Variants in CD4 observed in about 807,000 individuals in gnomAD.
CD4 encodes the protein CD4 molecule.
A neutral mutation model predicts 50.5 loss-of-function variants in CD4; 25 were observed. That is an observed-to-expected ratio of 0.49 (90% CI 0.36 to 0.69). CD4 has a LOEUF of 0.69. Among genes scored for constraint, CD4 ranks in the 30% least tolerant of loss-of-function variants. CD4 has a pLI of 0.00. For synonymous variants in CD4, 207 were observed against 221.9 expected (o/e 0.93, Z 0.60); for missense variants, 456 against 548.5 (o/e 0.83, Z 1.68).
At chr12:6,808,400 G>A (rs1311352354) in intron 3 of CD4, among the ~76,000 whole-genome samples, 15 of 120,554 alleles carry the variant, frequency 1.2e-4, no homozygotes, top group Non-Finnish European at 1.6e-5. Context: ...GCAGCGAGCC[G>A]AGATCACACT....
intron 3 of CD4, among the ~76,000 whole-genome samples, chr12:6,811,966 C>A (rs1591558593): frequency 1.3e-5 from 2 of 152,154 alleles, no homozygotes; most frequent in South Asian, 4.1e-4. Flanking sequence ...TGTGCCACCA[C>A]ACCCAGCTAA....
rs200466635 is a variant in CD4, at chr12:6,819,341, A to G, written c.*12A>G. 336 of 1,613,812 alleles carry G rather than the reference A, an allele frequency of 2.1e-4. No homozygotes were observed. The highest frequency in any genetic ancestry group is 2.8e-4 in the Non-Finnish European group (330 of 1,179,840). On this transcript the variant is annotated 3_prime_UTR_variant, in exon 10 of 10. Coordinates refer to ENST00000011653, the MANE Select transcript of CD4 (RefSeq NM_000616.5). ...GTAGCCCCATTTGAGGCACGAGGCCAGGCAGATCCCACTTGCAGCCTCCCC... is the reference window on the plus strand; with the variant it reads ...GTAGCCCCATTTGAGGCACGAGGCCGGGCAGATCCCACTTGCAGCCTCCCC...
intron 3 of CD4, among the ~76,000 whole-genome samples, chr12:6,811,379 A>C (rs1942929770): frequency 6.6e-6 from 1 of 152,184 alleles, no homozygotes; most frequent in African/African-American, 2.4e-5. Flanking sequence ...AGGCCAAAGG[A>C]GACACATACT....
chr12:6,803,832 T>A (rs1285827158), intron 3 of CD4, among the ~76,000 whole-genome samples: 1 of 137,400 alleles, frequency 7.3e-6, no homozygotes, highest in Non-Finnish European at 1.6e-5. Flanking sequence ...TAAATAAAGG[T>A]CAGGAGTGGT....
chr12:6,818,721 C>A lies in CD4; in HGVS notation c.1279-126C>A. On this transcript the variant is annotated intron_variant, in intron 8 of 9. Coordinates refer to ENST00000011653, the MANE Select transcript of CD4 (RefSeq NM_000616.5). The surrounding 1 kb of genome is among the most constrained non-coding windows in gnomAD (Gnocchi z 5.0). ...ACAGGAAGGAGCAGAGAGTTAATTC[C>A]AGGATAGATGGCCTGGGCCATGTAA... 1 of 1,190,382 alleles carries A rather than the reference C, an allele frequency of 8.4e-7. No individual in the cohort carries two copies. Among genetic ancestry groups the A allele is most frequent in the Non-Finnish European group, 1.2e-6 (1 of 804,000 alleles). The allele number at this position is 1,190,382 out of a possible 1,614,324, so 73.7% of individuals were successfully genotyped here.
At chr12:6,799,764 A>G in intron 1 of CD4, 1 of 201,122 alleles carries the variant, frequency 5.0e-6, no homozygotes, top group Non-Finnish European at 1.0e-5. Flanking sequence ...TACAGGCATG[A>G]GCCACCGCAC....
chr12:6,818,847 C>A lies in CD4; in HGVS notation c.1279C>A (p.Arg427Ser). 6.2e-7 allele frequency: 1 copy of A among 1,612,836 alleles called. No individual in the cohort carries two copies. The highest frequency in any genetic ancestry group is 8.5e-7 in the Non-Finnish European group (1 of 1,178,982). ...GACTCCCTTTCTTGTCCCTGGACAG[C>A]GCCAAGCAGAGCGGATGTCTCAGAT... Reference protein sequence around the residue: ...FFCVRCRHRRRQAERMSQIKR... With the variant: ...FFCVRCRHRRSQAERMSQIKR... Residue 427 changes from arginine (R) to serine (S), a missense_variant and splice_region_variant, in exon 9 of 10, where the codon CGC becomes AGC. Physicochemically the swap from Arg to Ser is moderately radical, Grantham distance 110. Transcript: ENST00000011653. The surrounding 1 kb of genome is among the most constrained non-coding windows in gnomAD (Gnocchi z 5.0).
At chr12:6,789,988 C>T (rs1433147511) in intron 1 of CD4, among the ~76,000 whole-genome samples, 3 of 151,328 alleles carry the variant, frequency 2.0e-5, no homozygotes, top group East Asian at 1.9e-4. Flanking sequence ...CTGGGAAAGG[C>T]GTGGAAGGCA....
chr12:6,814,324 G>A, intron 4 of CD4, 24 bp downstream of exon 4: 1 of 1,607,334 alleles, frequency 6.2e-7, no homozygotes, highest in East Asian at 2.2e-5. Flanking sequence ...GTGGGGATGA[G>A]GATACCTCCT....
intron 1 of CD4, among the ~76,000 whole-genome samples, chr12:6,795,296 G>T (rs1174641907): frequency 7.1e-6 from 1 of 140,580 alleles, no homozygotes; most frequent in Non-Finnish European, 1.6e-5. Context: ...CTATCTATCT[G>T]TCCATCCATC....
chr12:6,795,104 C>CTATGTATCTATG (rs1203008761), intron 1 of CD4, among the ~76,000 whole-genome samples: 1 of 150,472 alleles, frequency 6.6e-6, no homozygotes, highest in Admixed American at 6.6e-5. Context: ...CTGTCTCTAT[C>CTATGTATCTATG]TATCTATCTA....
At chr12:6,791,051 G>C (rs1429525176) in intron 1 of CD4, among the ~76,000 whole-genome samples, 1 of 152,218 alleles carries the variant, frequency 6.6e-6, no homozygotes, top group Non-Finnish European at 1.5e-5. Flanking sequence ...GACAGCGTTA[G>C]AGACACTCGG....
intron 1 of CD4, among the ~76,000 whole-genome samples, chr12:6,790,080 T>C (rs187505361): frequency 2.0e-4 from 30 of 151,478 alleles, no homozygotes; most frequent in South Asian, 1.0e-3. Flanking sequence ...GGGAAAAAAT[T>C]AGAAAGAATA....
In CD4 at chr12:6,818,888, T is replaced by C. The variant is rs782783240; in HGVS notation, c.1320T>C (p.Ser440=). The stretch of plus-strand genomic sequence containing the variant: ...TGTCTCAGATCAAGAGACTCCTCAG[T>C]GAGAAGAAGACCTGCCAGTGTCCTC... The part of the protein sequence containing the change: ...ERMSQIKRLL[S]EKKTCQCPHR... Residue 440 remains serine, a synonymous_variant, in exon 9 of 10, where the codon AGT becomes AGC. Coordinates refer to ENST00000011653, the MANE Select transcript of CD4 (RefSeq NM_000616.5). The surrounding 1 kb of genome is among the most constrained non-coding windows in gnomAD (Gnocchi z 5.0). The C allele has an allele frequency of 6.2e-7, 1 of 1,601,690 alleles. No individual in the cohort carries two copies. The highest frequency in any genetic ancestry group is 8.5e-7 in the Non-Finnish European group (1 of 1,176,462).
chr12:6,800,200 A>T lies in CD4; in HGVS notation c.49+13A>T. 1 of 1,572,526 alleles carries T rather than the reference A, an allele frequency of 6.4e-7. No homozygotes were observed. The highest frequency in any genetic ancestry group is 8.6e-7 in the Non-Finnish European group (1 of 1,157,394). On this transcript the variant is annotated intron_variant, in intron 2 of 9. Transcript: ENST00000011653. ...GTGCTGCAACTGGGTAAGTTCTCAG[A>T]CCTGGGGTCTCAATGCAGATGACGT... is the stretch of plus-strand genomic sequence containing the variant.
intron 3 of CD4, chr12:6,813,904 G>A (rs980941228): frequency 2.6e-6 from 1 of 391,066 alleles, no homozygotes. Context: ...TTGGCATGTA[G>A]GAGTTGGTGC....
intron 1 of CD4, among the ~76,000 whole-genome samples, chr12:6,797,450 G>C (rs1386271424): frequency 1.3e-5 from 2 of 152,132 alleles, no homozygotes; most frequent in Non-Finnish European, 2.9e-5. Flanking sequence ...TCGCAAGGTG[G>C]AGACAAGAGA....
At chr12:6,811,925 T>A (rs782223119) in intron 3 of CD4, among the ~76,000 whole-genome samples, 1 of 152,290 alleles carries the variant, frequency 6.6e-6, no homozygotes, top group South Asian at 2.1e-4. Context: ...TCCTCCTGCT[T>A]CAGCCTCTCA....
In CD4 at chr12:6,798,362, T is replaced by A. The variant is rs7296135; in HGVS notation, c.-67-1710T>A. Among the ~76,000 whole-genome samples, 4 of 123,486 alleles carry A rather than the reference T, an allele frequency of 3.2e-5. No individual in the cohort carries two copies. In the South Asian group the frequency reaches 6.7e-4, roughly 21 times the overall value. The allele number at this position is 123,486 out of a possible 152,430, so 81.0% of individuals were successfully genotyped here. ...TTTTTTTGTATTTTTTTAGTAGAGA[T>A]GGGGTTTCACCGTGTTCACCAGGAT... On this transcript the variant is annotated intron_variant, in intron 1 of 9. Transcript: ENST00000011653.
Sources: allele counts gnomAD v4.1 joint callset (sites outside exome capture counted in the v4.1 genomes callset), GRCh38; gene constraint gnomAD v4.1.1; non-coding constraint Gnocchi (gnomAD v3.1); transcripts MANE v1.5; gene names NCBI Gene and HGNC (gene_info 2026-07-23, HGNC 2026-07-21).